The following CCDC3 variants were observed in gnomAD, a reference collection of about 807,000 sequenced individuals.
CCDC3 encodes coiled-coil domain containing 3.
Under a neutral mutation model 21.4 loss-of-function variants are expected in CCDC3, and 24 were observed. The observed-to-expected ratio is 1.12, with a 90% CI of 0.81 to 1.58. CCDC3 has a LOEUF of 1.58. CCDC3 is among the 40% of genes most tolerant of loss of function. The pLI is 0.00. For synonymous variants in CCDC3, 186 were observed against 166.0 expected (o/e 1.12, Z -0.93); for missense variants, 425 against 360.9 (o/e 1.18, Z -1.44).
At chr10:12,957,573 G>A (rs1431659029) in intron 2 of CCDC3, among the ~76,000 whole-genome samples, 1 of 152,202 alleles carries the variant, frequency 6.6e-6, no homozygotes, top group Non-Finnish European at 1.5e-5. Flanking sequence ...AATGGATCAG[G>A]GGAGTGGATT....
At chr10:13,088,321 A>C (rs1174632847) in intron 3 of CCDC3, among the ~76,000 whole-genome samples, 1 of 152,234 alleles carries the variant, frequency 6.6e-6, no homozygotes, top group Non-Finnish European at 1.5e-5. Flanking sequence ...TAAAGATAGA[A>C]AGAATCTAAT....
chr10:13,083,833 G>A (rs1837072083), intron 3 of CCDC3, among the ~76,000 whole-genome samples: 1 of 152,212 alleles, frequency 6.6e-6, no homozygotes, highest in South Asian at 2.1e-4. Flanking sequence ...AGCTGCGTAA[G>A]GGATAAAAAT....
intron 2 of CCDC3, among the ~76,000 whole-genome samples, chr10:12,915,039 T>C (rs901638254): frequency 2.4e-4 from 36 of 152,330 alleles, no homozygotes; most frequent in African/African-American, 7.9e-4. Context: ...GTGTTTCCAT[T>C]TTCATTTGTC....
At chr10:13,025,237 G>A (rs1836200084) in intron 5 of CCDC3, among the ~76,000 whole-genome samples, 1 of 152,144 alleles carries the variant, frequency 6.6e-6, no homozygotes, top group South Asian at 2.1e-4. Context: ...TTGGCGAAGG[G>A]GCTTCAGTTC....
chr10:12,970,140 G>A (rs987531613), intron 2 of CCDC3, among the ~76,000 whole-genome samples: 1 of 152,134 alleles, frequency 6.6e-6, no homozygotes, highest in Non-Finnish European at 1.5e-5. Flanking sequence ...ACAGGAAGGG[G>A]TGAGTCACAG....
intron 1 of CCDC3, among the ~76,000 whole-genome samples, chr10:13,000,380 A>T (rs1835828139): frequency 6.6e-6 from 1 of 152,148 alleles, no homozygotes; most frequent in African/African-American, 2.4e-5. Context: ...TCTTAGGCAG[A>T]TGCATTCCAT....
intron 2 of CCDC3, among the ~76,000 whole-genome samples, chr10:12,982,559 C>T (rs922401627): frequency 6.6e-6 from 1 of 151,730 alleles, no homozygotes; most frequent in Admixed American, 6.6e-5. Context: ...TTTGGGAGGC[C>T]GAGGTGGGTG....
At chr10:12,953,092 A>C (rs1835032592) in intron 2 of CCDC3, among the ~76,000 whole-genome samples, 1 of 43,450 alleles carries the variant, frequency 2.3e-5, no homozygotes, top group South Asian at 7.6e-4. Flanking sequence ...TTATACAGGA[A>C]AAAAAAAGTT....
intron 5 of CCDC3, among the ~76,000 whole-genome samples, chr10:13,031,797 G>T (rs1786495778): frequency 6.6e-6 from 1 of 152,138 alleles, no homozygotes; most frequent in Non-Finnish European, 1.5e-5. Context: ...CCAGGAAGAA[G>T]TTGAATCCCT....
At chr10:12,952,705 A>G (rs935291592) in intron 2 of CCDC3, among the ~76,000 whole-genome samples, 5 of 152,148 alleles carry the variant, frequency 3.3e-5, no homozygotes, top group African/African-American at 1.2e-4. Flanking sequence ...TCTCTGCCTG[A>G]GATTCCAGTC....
intron 2 of CCDC3, among the ~76,000 whole-genome samples, chr10:12,937,489 T>C (rs1278859483): frequency 2.0e-5 from 3 of 152,024 alleles, no homozygotes; most frequent in African/African-American, 7.2e-5. Context: ...TAAGACAGGG[T>C]CTCAACTCTG....
In CCDC3 at chr10:12,948,933, G is replaced by A. The variant is rs531307444; in HGVS notation, c.549+49405C>T. Among the ~76,000 whole-genome samples the A allele has an allele frequency of 2.9e-4, 44 of 151,850 alleles. No individual in the cohort carries two copies. The South Asian group carries it at 2.9e-3, about 10-fold the overall frequency. ...TTTTTAGTACAGACAGGGTTTTACC[G>A]TGTTAGCCAGGATGGTCTTGATCTC... On this transcript the variant is annotated intron_variant, in intron 2 of 2. Transcript: ENST00000378825.
intron 2 of CCDC3, among the ~76,000 whole-genome samples, chr10:12,981,556 A>C (rs1369526521): frequency 6.6e-6 from 1 of 152,174 alleles, no homozygotes; most frequent in African/African-American, 2.4e-5. Context: ...GGGATTGAAA[A>C]ATAAACTTAG....
At chr10:13,085,564 C>T (rs1025303730) in intron 3 of CCDC3, among the ~76,000 whole-genome samples, 2 of 152,160 alleles carry the variant, frequency 1.3e-5, no homozygotes, top group East Asian at 1.9e-4. Context: ...TATTGAAGAC[C>T]GTGGAAAGCA....
intron 5 of CCDC3, among the ~76,000 whole-genome samples, chr10:13,015,604 G>C (rs1836047031): frequency 6.6e-6 from 1 of 152,064 alleles, no homozygotes; most frequent in African/African-American, 2.4e-5. Flanking sequence ...AGCTGGCAAA[G>C]AATAAAGCTG....
At chr10:12,968,577 T>A (rs1177951650) in intron 2 of CCDC3, among the ~76,000 whole-genome samples, 2 of 152,196 alleles carry the variant, frequency 1.3e-5, no homozygotes, top group Non-Finnish European at 2.9e-5. Context: ...AGTAGTCAAA[T>A]TCAGAACAGT....
At position 12,899,261 on chromosome 10, in the gene CCDC3, C is replaced by T. The variant is rs146788967; in HGVS notation, c.550-582G>A. 1.1e-3 allele frequency among the ~76,000 whole-genome samples: 166 copies of T among 152,200 alleles called. 2 individuals are homozygous for T. Among genetic ancestry groups the T allele is most frequent in the African/African-American group, 3.8e-3 (156 of 41,486 alleles). ...ACGCATGAAAAGATGCTTAACCCCA[C>T]TCATAATAACATAAAAAAAACAAAT... On this transcript the variant is annotated intron_variant, in intron 2 of 2. Coordinates refer to ENST00000378825, the MANE Select transcript of CCDC3 (RefSeq NM_031455.4).
At chr10:12,946,491 G>A (rs192708032) in intron 2 of CCDC3, among the ~76,000 whole-genome samples, 13 of 152,194 alleles carry the variant, frequency 8.5e-5, no homozygotes, top group Non-Finnish European at 1.5e-4. Context: ...CAACTGATCC[G>A]ATCATGCCCA....
chr10:12,978,136 A>T (rs1241442850), intron 2 of CCDC3, among the ~76,000 whole-genome samples: 1 of 151,744 alleles, frequency 6.6e-6, no homozygotes, highest in Admixed American at 6.6e-5. Flanking sequence ...CTCCTGCCTT[A>T]GCCTCCCAAG....
Sources: gnomAD v4.1 joint callset for allele counts (sites outside exome capture counted in the v4.1 genomes callset) on GRCh38, gnomAD v4.1.1 for gene constraint, MANE v1.5 for transcripts, NCBI Gene and HGNC (gene_info 2026-07-23, HGNC 2026-07-21) for gene names.